Variants in SOS2 observed in about 807,000 individuals in gnomAD.
SOS2 encodes SOS Ras/Rho guanine nucleotide exchange factor 2.
Under a neutral mutation model 148.2 loss-of-function variants are expected in SOS2, and 65 were observed. The ratio of observed to expected loss-of-function variants is 0.44; its 90% CI spans 0.36 to 0.54. The LOEUF is 0.54. Ranked by LOEUF, SOS2 falls within the 20% of genes least tolerant of loss-of-function variation. SOS2 has a pLI of 0.00. For missense variants in SOS2, 1,341 were observed against 1,590.2 expected (o/e 0.84, Z 2.67); for synonymous variants, 539 against 537.1 (o/e 1.00, Z -0.05).
At chr14:50,215,543 G>C (rs1163065019) in intron 1 of SOS2, 1 of 1,116,348 alleles carries the variant, frequency 9.0e-7, no homozygotes, top group African/African-American at 1.7e-5. Context: ...GTCTTTAACA[G>C]TAGATTAACA....
At chr14:50,129,469 C>A (rs1883796215) in intron 21 of SOS2, among the ~76,000 whole-genome samples, 1 of 152,234 alleles carries the variant, frequency 6.6e-6, no homozygotes, top group Admixed American at 6.5e-5. Flanking sequence ...ACCACAACCT[C>A]TGCTTCCTGG....
intron 8 of SOS2, among the ~76,000 whole-genome samples, chr14:50,168,984 G>C (rs529629436): frequency 6.6e-6 from 1 of 152,242 alleles, no homozygotes; most frequent in East Asian, 1.9e-4. Context: ...AGAAATTAGA[G>C]GATACCATAT....
chr14:50,155,783 C>T (rs1005487168), intron 12 of SOS2: 5 of 152,034 alleles, frequency 3.3e-5, no homozygotes, highest in African/African-American at 1.2e-4. Flanking sequence ...GACTGAGAAA[C>T]GAAGATTATA....
intron 16 of SOS2, among the ~76,000 whole-genome samples, chr14:50,141,054 A>T (rs1884262151): frequency 6.6e-6 from 1 of 151,798 alleles, no homozygotes; most frequent in Admixed American, 6.6e-5. Context: ...AATGCAAAAA[A>T]TTAGCCGGGC....
chr14:50,135,972 G>A (rs1425618249), intron 18 of SOS2, among the ~76,000 whole-genome samples: 2 of 151,948 alleles, frequency 1.3e-5, no homozygotes, highest in Non-Finnish European at 2.9e-5. Context: ...TTTTGAAGTG[G>A]TTTAGAAGCA....
rs948342339 is a variant in SOS2 at position 50,161,690 on chromosome 14, C to T, written c.1069-81G>A. The T allele has an allele frequency of 3.8e-5, 48 of 1,249,128 alleles. 2 individuals carry two copies. The highest frequency in any genetic ancestry group is 5.4e-5 in the Non-Finnish European group (48 of 889,504). 77.4% of individuals were successfully genotyped at this position (1,249,128 alleles called of 1,614,324 possible). ...TTTCTAGTAATAGAAAAAGCAGCAA[C>T]AAATATTATCAACTCTAAGTTAATT... On this transcript the variant is annotated intron_variant, in intron 8 of 22. Transcript: ENST00000216373.
chr14:50,227,898 A>G (rs904536421), intron 1 of SOS2, among the ~76,000 whole-genome samples: 6 of 152,194 alleles, frequency 3.9e-5, no homozygotes, highest in Non-Finnish European at 8.8e-5. Context: ...TTTCATAAAA[A>G]CTAGCCAAAA....
At chr14:50,146,674 T>G (rs979862086) in intron 14 of SOS2, among the ~76,000 whole-genome samples, 1 of 151,724 alleles carries the variant, frequency 6.6e-6, no homozygotes, top group Non-Finnish European at 1.5e-5. Flanking sequence ...AACAAAGTTA[T>G]AAGAAAACGT....
rs746181702 is a variant in SOS2, at chr14:50,204,436, T to C, written c.88-27A>G. ...TTTAAAAAAAAGTTATCAGTTAAAG[T>C]AATGGCAAAATAATATAAATTGAAC... On this transcript the variant is annotated intron_variant, in intron 1 of 22. Transcript: ENST00000216373. The C allele has an allele frequency of 2.8e-6, 4 of 1,420,890 alleles. No homozygotes were observed. In the East Asian group the frequency reaches 9.2e-5, roughly 33 times the overall value. 88.0% of individuals were successfully genotyped at this position (1,420,890 alleles called of 1,614,324 possible).
intron 19 of SOS2, among the ~76,000 whole-genome samples, chr14:50,133,053 G>A (rs117989336): frequency 0.021 from 3,123 of 152,062 alleles, 73 homozygotes; most frequent in Non-Finnish European, 0.026. Context: ...CAATGATATG[G>A]TTAAATTCCC....
chr14:50,201,368 T>C (rs1355572149), intron 2 of SOS2, among the ~76,000 whole-genome samples: 2 of 151,704 alleles, frequency 1.3e-5, no homozygotes, highest in African/African-American at 4.8e-5. Context: ...CCATCTCTAT[T>C]AAAAATACAA....
At chr14:50,152,105 A>G (rs1332594111) in intron 13 of SOS2, among the ~76,000 whole-genome samples, 2 of 152,212 alleles carry the variant, frequency 1.3e-5, no homozygotes, top group Non-Finnish European at 2.9e-5. Context: ...CAAAGTAGAA[A>G]CAAAGGAATA....
At position 50,118,064 on chromosome 14, in the gene SOS2, T is replaced by C. The variant is rs1594950588; in HGVS notation, c.*280A>G. 6.1e-6 allele frequency: 2 copies of C among 326,398 alleles called. No individual in the cohort carries two copies. Among genetic ancestry groups the C allele is most frequent in the African/African-American group, 2.1e-5 (1 of 46,598 alleles). 20.2% of individuals were successfully genotyped at this position (326,398 alleles called of 1,614,324 possible). On this transcript the variant is annotated 3_prime_UTR_variant, in exon 23 of 23. Coordinates refer to ENST00000216373, the MANE Select transcript of SOS2 (RefSeq NM_006939.4). Reference sequence around the variant, plus strand: ...AGTGCAATCATGTCACTTTAAACCATATTTTTGCAGAGTTTACAGTGCAAA... The same window carrying C: ...AGTGCAATCATGTCACTTTAAACCACATTTTTGCAGAGTTTACAGTGCAAA...
At chr14:50,225,918 A>G (rs1379225263) in intron 1 of SOS2, among the ~76,000 whole-genome samples, 2 of 152,080 alleles carry the variant, frequency 1.3e-5, no homozygotes, top group African/African-American at 2.4e-5. Flanking sequence ...GTTTTTTAAA[A>G]TAAGTCATTA....
intron 1 of SOS2, among the ~76,000 whole-genome samples, chr14:50,217,335 G>A (rs1422747096): frequency 5.3e-5 from 8 of 152,198 alleles, no homozygotes; most frequent in African/African-American, 1.7e-4. Context: ...AAGACAAGGT[G>A]AGATTTTTTT....
chr14:50,140,422 G>A lies in SOS2; in HGVS notation c.2668-363C>T, dbSNP rs1486066043. On this transcript the variant is annotated intron_variant, in intron 16 of 22. Transcript: ENST00000216373. ...GAAAGATCTTTTGGGGCTAAAGGTT[G>A]GGGTTTTGTTAAGGAGAAGACAACT... Among the ~76,000 whole-genome samples the A allele has an allele frequency of 2.6e-5, 4 of 152,278 alleles. No homozygotes were observed. The East Asian group carries it at 7.7e-4, about 29-fold the overall frequency.
At chr14:50,214,700 CTT>C (rs755314459) in intron 1 of SOS2, among the ~76,000 whole-genome samples, 3 of 131,252 alleles carry the variant, frequency 2.3e-5, no homozygotes, top group African/African-American at 5.4e-5. Context: ...AAGGCCGTTT[CTT>C]TTTTTTTTTT....
At chr14:50,157,165 GA>G in intron 11 of SOS2, 44 bp from the exon 12 acceptor site, 1 of 1,584,588 alleles carries the variant, frequency 6.3e-7, no homozygotes. Flanking sequence ...CATACATAAT[GA>G]AAATACAAGG....
chr14:50,224,400 T>C (rs1404175484), intron 1 of SOS2, among the ~76,000 whole-genome samples: 2 of 148,080 alleles, frequency 1.4e-5, no homozygotes, highest in Non-Finnish European at 3.0e-5. Context: ...GTCAGAAGGA[T>C]GTGGTCACAG....
Sources: allele counts gnomAD v4.1 joint callset (sites outside exome capture counted in the v4.1 genomes callset), GRCh38; gene constraint gnomAD v4.1.1; transcripts MANE v1.5; gene names NCBI Gene and HGNC (gene_info 2026-07-23, HGNC 2026-07-21).